The following PLXDC2 variants were observed in gnomAD, a reference collection of about 807,000 sequenced individuals.
PLXDC2 encodes plexin domain-containing protein 2.
In PLXDC2, 40 loss-of-function variants were observed where a neutral mutation model predicts 68.9. The ratio of observed to expected loss-of-function variants is 0.58; its 90% confidence interval spans 0.45 to 0.76. PLXDC2 has a LOEUF of 0.76. Ranked by LOEUF, PLXDC2 falls within the 30% of genes least tolerant of loss-of-function variation. PLXDC2 has a pLI of 0.00. For missense variants in PLXDC2, 644 were observed against 661.9 expected (o/e 0.97, Z 0.30); for synonymous variants, 243 against 234.2 (o/e 1.04, Z -0.34).
chr10:19,866,153 A>C (rs948137712), intron 1 of PLXDC2, among the ~76,000 whole-genome samples: 1 of 152,248 alleles, frequency 6.6e-6, no homozygotes, highest in Non-Finnish European at 1.5e-5. Context: ...GGAACTGAAT[A>C]GCAATATAAT....
At chr10:20,239,123 G>T (rs1835480161) in intron 12 of PLXDC2, among the ~76,000 whole-genome samples, 1 of 152,112 alleles carries the variant, frequency 6.6e-6, no homozygotes, top group East Asian at 1.9e-4. Flanking sequence ...GCTTAACAAA[G>T]ACTAAAGATT....
At chr10:20,192,904 G>T (rs1318771784) in intron 9 of PLXDC2, among the ~76,000 whole-genome samples, 1 of 152,042 alleles carries the variant, frequency 6.6e-6, no homozygotes. Context: ...TCTATAAAGA[G>T]ACCAATGTTG....
chr10:20,249,803 G>A (rs957132256), intron 13 of PLXDC2, among the ~76,000 whole-genome samples: 20 of 152,208 alleles, frequency 1.3e-4, no homozygotes, highest in East Asian at 9.7e-4. Context: ...TGCATCACAC[G>A]CTTCCAATTA....
At chr10:20,149,885 A>G (rs559735351) in intron 6 of PLXDC2, among the ~76,000 whole-genome samples, 6 of 152,122 alleles carry the variant, frequency 3.9e-5, no homozygotes, top group African/African-American at 4.8e-5. Context: ...TAACATACAT[A>G]TGTATGTGTC....
At chr10:20,152,561 T>C (rs1382673632) in intron 6 of PLXDC2, among the ~76,000 whole-genome samples, 3 of 152,200 alleles carry the variant, frequency 2.0e-5, no homozygotes, top group Admixed American at 2.0e-4. Flanking sequence ...TAAAGTTCTT[T>C]TTCTCAAATT....
chr10:19,967,627 T>A (rs1327972641), intron 1 of PLXDC2, among the ~76,000 whole-genome samples: 1 of 152,142 alleles, frequency 6.6e-6, no homozygotes, highest in Non-Finnish European at 1.5e-5. Flanking sequence ...CCTTACCACT[T>A]AAAATCAGCT....
At chr10:20,259,049 T>G (rs1255952620) in intron 13 of PLXDC2, among the ~76,000 whole-genome samples, 1 of 151,694 alleles carries the variant, frequency 6.6e-6, no homozygotes, top group East Asian at 1.9e-4. Context: ...ATGGAAAACT[T>G]CAATCTTAAT....
At chr10:20,212,270 G>A (rs1295432134) in intron 10 of PLXDC2, among the ~76,000 whole-genome samples, 1 of 152,116 alleles carries the variant, frequency 6.6e-6, no homozygotes, top group East Asian at 1.9e-4. Context: ...ATTGTGGAGG[G>A]TGGAAGACTG....
intron 1 of PLXDC2, among the ~76,000 whole-genome samples, chr10:19,882,908 A>C (rs1837755112): frequency 6.8e-6 from 1 of 148,088 alleles, no homozygotes; most frequent in African/African-American, 2.5e-5. Flanking sequence ...TTTTTCCTAC[A>C]CTACCAAGGA....
chr10:20,149,229 C>CTTTTTTTTTTTTTTTTTT (rs71200986), intron 6 of PLXDC2, among the ~76,000 whole-genome samples: 185 of 34,962 alleles, frequency 5.3e-3, no homozygotes, highest in Non-Finnish European at 6.4e-3. Context: ...TTTTTCTTTT[C>CTTTTTTTTTTTTTTTTTT]TTTTTTTTTT....
intron 2 of PLXDC2, among the ~76,000 whole-genome samples, chr10:20,026,904 C>G (rs1010010323): frequency 8.1e-6 from 1 of 124,132 alleles, no homozygotes; most frequent in Admixed American, 8.8e-5. Flanking sequence ...ATAGAATACA[C>G]TTTTATAATA....
chr10:19,920,172 G>A (rs1019375596), intron 1 of PLXDC2, among the ~76,000 whole-genome samples: 6 of 152,274 alleles, frequency 3.9e-5, no homozygotes, highest in Non-Finnish European at 7.4e-5. Flanking sequence ...CGTGTGATAC[G>A]GCAGTGCTGG....
chr10:19,962,335 CTTTT>C (rs33953842), intron 1 of PLXDC2, among the ~76,000 whole-genome samples: 1 of 58,454 alleles, frequency 1.7e-5, no homozygotes, highest in African/African-American at 7.5e-5. Context: ...AAAGGAGGTT[CTTTT>C]TTTTTTTTTT....
At chr10:19,853,750 A>G (rs191318256) in intron 1 of PLXDC2, among the ~76,000 whole-genome samples, 1 of 152,248 alleles carries the variant, frequency 6.6e-6, no homozygotes, top group Admixed American at 6.5e-5. Flanking sequence ...TTTCATAAGG[A>G]AATATAGCTG....
At chr10:20,237,193 C>T (rs1008291831) in intron 12 of PLXDC2, among the ~76,000 whole-genome samples, 2 of 152,026 alleles carry the variant, frequency 1.3e-5, no homozygotes, top group Non-Finnish European at 2.9e-5. Context: ...TATATCTTTT[C>T]ACAGTGATTA....
At chr10:20,278,070 G>GT (rs1303505606) in intron 13 of PLXDC2, among the ~76,000 whole-genome samples, 2 of 152,064 alleles carry the variant, frequency 1.3e-5, no homozygotes, top group African/African-American at 2.4e-5. Flanking sequence ...TATGTACCAC[G>GT]TTTTTTTCAT....
intron 2 of PLXDC2, among the ~76,000 whole-genome samples, chr10:20,035,769 G>A (rs1388251717): frequency 6.6e-6 from 1 of 152,110 alleles, no homozygotes; most frequent in Non-Finnish European, 1.5e-5. Context: ...AACAGTAACA[G>A]TTACTTTAGA....
At chr10:20,257,997 C>CTTTTTTTTTTTTTTTTTTTTT (rs550997528) in intron 13 of PLXDC2, among the ~76,000 whole-genome samples, 1 of 84,360 alleles carries the variant, frequency 1.2e-5, no homozygotes, top group Non-Finnish European at 2.4e-5. Flanking sequence ...TTTTTTCTTT[C>CTTTTTTTTTTTTTTTTTTTTT]TTTTTTTTTT....
At chr10:20,097,951 GTAT>G (rs935513169) in intron 4 of PLXDC2, among the ~76,000 whole-genome samples, 4 of 148,184 alleles carry the variant, frequency 2.7e-5, no homozygotes, top group Admixed American at 2.0e-4. Context: ...TATTTATATA[GTAT>G]TATATATTTA....
Sources: allele counts gnomAD v4.1 joint callset (sites outside exome capture counted in the v4.1 genomes callset), GRCh38; gene constraint gnomAD v4.1.1; transcripts MANE v1.5; gene names NCBI Gene and HGNC (gene_info 2026-07-23, HGNC 2026-07-21).